GGT1: variants seen among roughly 807,000 people sequenced by gnomAD.
The protein encoded by GGT1 is gamma-glutamyltransferase 1, also known as glutathione hydrolase 1 proenzyme.
GGT1 carries 21 observed loss-of-function variants against 56.0 expected under a neutral mutation model. That is an observed-to-expected ratio of 0.38 (90% CI 0.27 to 0.54). The LOEUF is 0.54. Ranked by LOEUF, GGT1 falls within the 20% of genes least tolerant of loss-of-function variation. The pLI is 0.82. For missense variants in GGT1, 466 were observed against 787.0 expected, an observed-to-expected ratio of 0.59 and a Z score of 4.88; for synonymous variants, 238 against 342.6, an observed-to-expected ratio of 0.69 and a Z score of 3.37.
chr22:24,596,509 T>G (rs1170552522), intron 1 of GGT1, among the ~76,000 whole-genome samples: 1 of 152,034 alleles, frequency 6.6e-6, no homozygotes, highest in Non-Finnish European at 1.5e-5. Context: ...AGGCTGGTCT[T>G]GAACTCCTGG....
the GGT1 span, chr22:24,588,413 AGT>A: frequency 1.1e-5 from 12 of 1,079,670 alleles, no homozygotes; most frequent in Non-Finnish European, 1.5e-5. Flanking sequence ...CAGGCAGCCA[AGT>A]GTGTGTGTGA....
At chr22:24,615,847 C>G (rs1431509518) in intron 7 of GGT1, 1 of 152,252 alleles carries the variant, frequency 6.6e-6, no homozygotes, top group Non-Finnish European at 1.5e-5. Context: ...CAACAACTCA[C>G]GCCTCTAATC....
chr22:24,608,093 T>G (rs1278593592), intron 2 of GGT1, 70 bp downstream of exon 2: 12 of 451,102 alleles, frequency 2.7e-5, no homozygotes, highest in Non-Finnish European at 4.6e-5. Context: ...ACCTACTTTC[T>G]AGCCTCAGTT....
the GGT1 span, among the ~76,000 whole-genome samples, chr22:24,586,778 G>T: frequency 6.6e-6 from 1 of 152,174 alleles, no homozygotes; most frequent in Non-Finnish European, 1.5e-5. Flanking sequence ...TGATCTGACC[G>T]CCTCAGCCTC....
intron 1 of GGT1, among the ~76,000 whole-genome samples, chr22:24,604,173 C>T (rs369071262): frequency 9.3e-5 from 14 of 150,982 alleles, no homozygotes; most frequent in South Asian, 2.1e-4. Context: ...GATAGCGACT[C>T]CAGGCTGGGG....
At chr22:24,586,528 A>C in the GGT1 span, 1 of 1,099,832 alleles carries the variant, frequency 9.1e-7, no homozygotes, top group Non-Finnish European at 1.3e-6. Context: ...CCAGATTCAA[A>C]CTGTGTCTTT....
chr22:24,604,679 C>A (rs1247704411), intron 1 of GGT1, among the ~76,000 whole-genome samples: 2 of 152,034 alleles, frequency 1.3e-5, no homozygotes, highest in African/African-American at 4.8e-5. Flanking sequence ...GGTGACATGG[C>A]TTCCCCAGAC....
At chr22:24,598,578 G>T (rs1044783944), upstream of GGT1, among the ~76,000 whole-genome samples, 102 of 151,882 alleles carry the variant, frequency 6.7e-4, no homozygotes, top group Non-Finnish European at 1.2e-3. Context: ...GGATGAGTTG[G>T]TTTTTTTTGT....
At chr22:24,605,562 T>C (rs1349663361) in intron 1 of GGT1, among the ~76,000 whole-genome samples, 2 of 38,562 alleles carry the variant, frequency 5.2e-5, no homozygotes, top group East Asian at 1.4e-3. Flanking sequence ...TATTATATAA[T>C]ATTATATAAT....
chr22:24,586,538 TC>T, the GGT1 span: 265 of 1,066,840 alleles, frequency 2.5e-4, no homozygotes, highest in Non-Finnish European at 3.4e-4. Context: ...ACTGTGTCTT[TC>T]GTATTTTTTG....
intron 1 of GGT1, among the ~76,000 whole-genome samples, chr22:24,595,896 C>T (rs6519519): frequency 0.32 from 48,357 of 152,174 alleles, 8,050 homozygotes; most frequent in African/African-American, 0.4. Flanking sequence ...AAAAGGCCAG[C>T]TCAGGGTTAA....
chr22:24,594,823 T>G (rs1475401357), exon 1 of GGT1: 1 of 152,178 alleles, frequency 6.6e-6, no homozygotes, highest in Non-Finnish European at 1.5e-5. Context: ...CGGTCAGAGC[T>G]TTAAGCTGCA....
chr22:24,612,244 C>CTTTT (rs796939700), intron 5 of GGT1, among the ~76,000 whole-genome samples: 11 of 75,378 alleles, frequency 1.5e-4, no homozygotes, highest in African/African-American at 2.8e-4. Flanking sequence ...CCGGCTTATT[C>CTTTT]TTTTTTTTTT....
the GGT1 span, chr22:24,586,335 C>A: frequency 6.2e-7 from 1 of 1,613,960 alleles, no homozygotes; most frequent in African/African-American, 1.3e-5. Context: ...TGTTGCACGT[C>A]CTGTGTCGAC....
chr22:24,593,402 T>TGG (rs145673095), upstream of GGT1, among the ~76,000 whole-genome samples: 10 of 151,654 alleles, frequency 6.6e-5, no homozygotes, highest in Non-Finnish European at 1.5e-4. Flanking sequence ...CTAGGCGGGG[T>TGG]GGGGGGGTTC....
At chr22:24,606,874 C>G (rs550323503) in intron 1 of GGT1, among the ~76,000 whole-genome samples, 1 of 151,764 alleles carries the variant, frequency 6.6e-6, no homozygotes, top group East Asian at 1.9e-4. Context: ...TGCAGGGGCT[C>G]TCCGGCACCG....
intron 1 of GGT1, among the ~76,000 whole-genome samples, chr22:24,595,222 G>A (rs2045672334): frequency 6.6e-6 from 1 of 152,218 alleles, no homozygotes; most frequent in African/African-American, 2.4e-5. Context: ...AAAAGAGGGA[G>A]GGTGGTGTCT....
At position 24,605,524 on chromosome 22, in the gene GGT1, T is replaced by C. The variant is rs1444156580; in HGVS notation, c.-429+1997T>C. Among the ~76,000 whole-genome samples, 2 of 62,462 alleles carry C rather than the reference T, an allele frequency of 3.2e-5. 1 individual carries two copies. The highest frequency in any genetic ancestry group is 2.3e-4 in the African/African-American group (2 of 8,610). 41.0% of individuals were successfully genotyped at this position (62,462 alleles called of 152,430 possible). A position where few individuals can be genotyped will look rare whatever the true frequency, so the allele number is the denominator to read the frequency against. ...ATATTATATAATGTGTATTATATATTATATAATATTATATAATGTGTATTA... is the reference window on the plus strand; with the variant it reads ...ATATTATATAATGTGTATTATATATCATATAATATTATATAATGTGTATTA... On this transcript the variant is annotated intron_variant, in intron 1 of 15. Coordinates refer to ENST00000400382, the MANE Select transcript of GGT1 (RefSeq NM_001288833.2).
In GGT1 at chr22:24,620,568, C is replaced by T; in HGVS notation, c.575+48C>T. 2.5e-6 allele frequency: 4 copies of T among 1,609,056 alleles called. No homozygotes were observed. The South Asian group carries it at 3.3e-5, about 13-fold the overall frequency. On this transcript the variant is annotated intron_variant, in intron 8 of 15. Transcript: ENST00000400382. This position sits in a 1 kb window ranked among gnomAD's most constrained non-coding sequence, Gnocchi z 5.6. ...CTGACACAGGCAGGGCAGGCACAGC[C>T]CAAGGACCTTGCAGGCCGTAGCAGC...
Sources: gnomAD v4.1 joint callset for allele counts (sites outside exome capture counted in the v4.1 genomes callset) on GRCh38, gnomAD v4.1.1 for gene constraint, Gnocchi (gnomAD v3.1) non-coding constraint, MANE v1.5 for transcripts, NCBI Gene and HGNC (gene_info 2026-07-23, HGNC 2026-07-21) for gene names.